The following WDR20 variants were observed in gnomAD, a reference collection of about 807,000 sequenced individuals.
WDR20 encodes the protein WD repeat domain 20, also known as WD repeat-containing protein 20.
WDR20 carries 3 observed loss-of-function variants against 38.7 expected under a neutral mutation model. The observed-to-expected ratio is 0.08, with a 90% CI of 0.04 to 0.20. The LOEUF (loss-of-function observed/expected upper bound fraction) is 0.20. WDR20 is among the 10% of genes least tolerant of loss of function. The pLI is 1.00. For synonymous variants in WDR20, 298 were observed against 285.6 expected (o/e 1.04, Z -0.44); for missense variants, 559 against 727.7 (o/e 0.77, Z 2.67).
rs2061839121 is a variant in WDR20 at position 102,207,856 on chromosome 14, G to A, written c.433-747G>A. On this transcript the variant is annotated intron_variant, in intron 2 of 2. Coordinates refer to ENST00000342702, the MANE Select transcript of WDR20 (RefSeq NM_144574.4). This position sits in a 1 kb window ranked among gnomAD's most constrained non-coding sequence, Gnocchi z 5.0. ...TGTTAAAGAAACATCTCGGTCAGGG[G>A]TCCAAAGTTAGCATATGGAGCAGAG... 6.6e-6 allele frequency among the ~76,000 whole-genome samples: 1 copy of A among 152,208 alleles called. No individual in the cohort carries two copies. The highest frequency in any genetic ancestry group is 1.5e-5 in the Non-Finnish European group (1 of 68,032).
At chr14:102,172,542 C>T (rs1302198151) in intron 1 of WDR20, among the ~76,000 whole-genome samples, 12 of 146,628 alleles carry the variant, frequency 8.2e-5, no homozygotes, top group Non-Finnish European at 1.8e-4. Context: ...GGGGGCTGAC[C>T]CCCCACCTCC....
upstream of WDR20, chr14:102,139,585 G>C (rs1021796174): frequency 5.7e-6 from 4 of 703,718 alleles, no homozygotes; most frequent in Non-Finnish European, 9.2e-6. Flanking sequence ...CCCCCTGACC[G>C]GCTTTCCGCT....
chr14:102,162,670 G>C (rs1221732424), intron 1 of WDR20, among the ~76,000 whole-genome samples: 1 of 151,798 alleles, frequency 6.6e-6, no homozygotes, highest in African/African-American at 2.4e-5. Context: ...AGGCTGGAGT[G>C]CAGTGTGATC....
intron 1 of WDR20, among the ~76,000 whole-genome samples, chr14:102,192,249 G>A (rs976900393): frequency 3.3e-5 from 5 of 150,632 alleles, no homozygotes; most frequent in Non-Finnish European, 2.9e-5. Flanking sequence ...GCACGATCTC[G>A]GCTCACTGCA....
At chr14:102,146,415 G>A (rs796480132) in intron 1 of WDR20, among the ~76,000 whole-genome samples, 2 of 152,112 alleles carry the variant, frequency 1.3e-5, no homozygotes, top group Non-Finnish European at 2.9e-5. Context: ...CACCCGTCTC[G>A]GCCTCTCAAA....
At chr14:102,204,242 C>A (rs905053953) in intron 2 of WDR20, among the ~76,000 whole-genome samples, 1 of 152,160 alleles carries the variant, frequency 6.6e-6, no homozygotes, top group Non-Finnish European at 1.5e-5. Flanking sequence ...TGAAGTTGTT[C>A]TCTGTGGGGG....
downstream of WDR20, chr14:102,212,422 C>G: frequency 7.5e-7 from 1 of 1,332,326 alleles, no homozygotes; most frequent in South Asian, 1.3e-5. Flanking sequence ...GACTGCATGT[C>G]CTGACCCCTG....
At chr14:102,145,763 C>T (rs2053380025) in intron 1 of WDR20, among the ~76,000 whole-genome samples, 1 of 109,536 alleles carries the variant, frequency 9.1e-6, no homozygotes, top group African/African-American at 2.6e-5. Context: ...AGAGTGAGAG[C>T]CTGTTTCAAA....
At chr14:102,180,063 G>T (rs775215110) in intron 1 of WDR20, among the ~76,000 whole-genome samples, 2 of 152,174 alleles carry the variant, frequency 1.3e-5, no homozygotes, top group Non-Finnish European at 2.9e-5. Flanking sequence ...TGAGGCAGGA[G>T]AATCACTTGA....
intron 1 of WDR20, among the ~76,000 whole-genome samples, chr14:102,164,000 AT>A (rs1158109972): frequency 6.6e-6 from 1 of 152,172 alleles, no homozygotes; most frequent in Non-Finnish European, 1.5e-5. Context: ...AGCTCAGCTA[AT>A]TTAAAAATGA....
intron 1 of WDR20, among the ~76,000 whole-genome samples, chr14:102,146,617 G>A (rs1405319229): frequency 6.6e-6 from 1 of 152,122 alleles, no homozygotes; most frequent in Admixed American, 6.6e-5. Context: ...TGCTCATATG[G>A]GAAATGTTCT....
At chr14:102,196,136 G>GT (rs2059370214) in intron 2 of WDR20, among the ~76,000 whole-genome samples, 2 of 152,188 alleles carry the variant, frequency 1.3e-5, no homozygotes, top group Non-Finnish European at 2.9e-5. Context: ...TTCTTTTGCA[G>GT]TTATGGTACT....
chr14:102,145,817 A>G (rs2053423864), intron 1 of WDR20, among the ~76,000 whole-genome samples: 1 of 152,102 alleles, frequency 6.6e-6, no homozygotes, highest in South Asian at 2.1e-4. Flanking sequence ...ACTCAGAATT[A>G]CTTAACATTC....
At chr14:102,199,175 C>T (rs1411872641) in intron 2 of WDR20, among the ~76,000 whole-genome samples, 2 of 151,798 alleles carry the variant, frequency 1.3e-5, no homozygotes, top group East Asian at 1.9e-4. Flanking sequence ...GCTGAGGGCT[C>T]GGACACCAGC....
intron 1 of WDR20, among the ~76,000 whole-genome samples, chr14:102,144,501 T>G (rs1008804988): frequency 2.7e-5 from 4 of 150,680 alleles, no homozygotes; most frequent in Admixed American, 2.6e-4. Flanking sequence ...AAAAAAAGAT[T>G]GTTTTAGGAT....
intron 2 of WDR20, among the ~76,000 whole-genome samples, chr14:102,204,553 T>G (rs2061152428): frequency 6.6e-6 from 1 of 152,212 alleles, no homozygotes; most frequent in Non-Finnish European, 1.5e-5. Flanking sequence ...TGGCATATGG[T>G]ACGCACTCAA....
intron 1 of WDR20, among the ~76,000 whole-genome samples, chr14:102,161,381 A>G (rs1566858507): frequency 6.7e-6 from 1 of 148,726 alleles, no homozygotes; most frequent in Non-Finnish European, 1.5e-5. Context: ...CGGTGCGATC[A>G]TGGCTTACTG....
At chr14:102,158,486 C>T (rs1048164580) in intron 1 of WDR20, among the ~76,000 whole-genome samples, 9 of 151,958 alleles carry the variant, frequency 5.9e-5, no homozygotes, top group Admixed American at 3.3e-4. Flanking sequence ...TAAATAGAGA[C>T]GGGGTTTCAC....
downstream of WDR20, among the ~76,000 whole-genome samples, chr14:102,217,158 A>G (rs1000805667): frequency 1.2e-4 from 19 of 152,170 alleles, no homozygotes; most frequent in African/African-American, 4.3e-4. Context: ...TATGGAGACT[A>G]AGTGGGGTCC....
Sources: allele counts gnomAD v4.1 joint callset (sites outside exome capture counted in the v4.1 genomes callset), GRCh38; gene constraint gnomAD v4.1.1; non-coding constraint Gnocchi (gnomAD v3.1); transcripts MANE v1.5; gene names NCBI Gene and HGNC (gene_info 2026-07-23, HGNC 2026-07-21).